DLGAP2: variants seen among roughly 807,000 people sequenced by gnomAD.
DLGAP2 encodes the protein disks large-associated protein 2.
DLGAP2 carries 26 observed loss-of-function variants against 100.3 expected under a neutral mutation model. The observed-to-expected ratio is 0.26, with a 90% CI of 0.19 to 0.36. The LOEUF is 0.36. Among genes scored for constraint, DLGAP2 ranks in the 10% least tolerant of loss-of-function variants. The pLI is 1.00. For synonymous variants in DLGAP2, 886 were observed against 630.1 expected (o/e 1.41, Z -6.08); for missense variants, 1,858 against 1,453.2 (o/e 1.28, Z -4.53).
At chr8:1,139,713 C>G (rs892083053) in intron 2 of DLGAP2, among the ~76,000 whole-genome samples, 1 of 152,154 alleles carries the variant, frequency 6.6e-6, no homozygotes, top group African/African-American at 2.4e-5. Flanking sequence ...ACCCGACAGG[C>G]CCCTGTTATT....
At chr8:826,898 G>GA (rs1252393408) in intron 1 of DLGAP2, among the ~76,000 whole-genome samples, 2 of 152,202 alleles carry the variant, frequency 1.3e-5, no homozygotes, top group African/African-American at 4.8e-5. Context: ...TCTTTCTCGT[G>GA]AATGTTTTTG....
rs184264986 is a variant in DLGAP2 at position 1,685,969 on chromosome 8, C to G, written c.2705-5566C>G. Among the ~76,000 whole-genome samples, 5 of 152,290 alleles carry G rather than the reference C, an allele frequency of 3.3e-5. No individual in the cohort carries two copies. The South Asian group carries it at 1.0e-3, about 32-fold the overall frequency. ...GCGGAGTAAGGGGAAAGCTTGCACA[C>G]TGCTGGTTGGAATATGAAGTAGCCA... On this transcript the variant is annotated intron_variant, in intron 12 of 14. Coordinates refer to ENST00000637795, the MANE Select transcript of DLGAP2 (RefSeq NM_001346810.2).
At chr8:818,683 A>T (rs936211054) in intron 1 of DLGAP2, among the ~76,000 whole-genome samples, 3 of 152,222 alleles carry the variant, frequency 2.0e-5, no homozygotes, top group Non-Finnish European at 1.5e-5. Context: ...TTAAAAGAAC[A>T]TGTGCAAACT....
intron 3 of DLGAP2, among the ~76,000 whole-genome samples, chr8:1,417,856 C>G (rs947272136): frequency 1.1e-4 from 17 of 152,280 alleles, no homozygotes; most frequent in Non-Finnish European, 1.6e-4. Context: ...TCTTTATTGG[C>G]GGGAATTCAG....
intron 4 of DLGAP2, among the ~76,000 whole-genome samples, chr8:1,508,196 T>C (rs1470983264): frequency 6.6e-6 from 1 of 151,636 alleles, no homozygotes; most frequent in East Asian, 2.0e-4. Context: ...TGGGGTGCAT[T>C]TACAGCTTTT....
intron 3 of DLGAP2, chr8:1,296,157 G>A (rs907119198): frequency 6.6e-6 from 1 of 152,126 alleles, no homozygotes. Context: ...ATGAAATGCG[G>A]CCCCCGGGTT....
intron 1 of DLGAP2, among the ~76,000 whole-genome samples, chr8:830,950 C>A (rs984522467): frequency 1.4e-5 from 2 of 147,120 alleles, no homozygotes; most frequent in African/African-American, 5.1e-5. Context: ...GGCTGGAGGG[C>A]AGTGGCACAA....
chr8:1,185,733 T>TCACACACA (rs77585255), intron 2 of DLGAP2, among the ~76,000 whole-genome samples: 1 of 139,234 alleles, frequency 7.2e-6, no homozygotes, highest in South Asian at 2.3e-4. Context: ...ACACTCACAC[T>TCACACACA]CACACACACA....
intron 3 of DLGAP2, among the ~76,000 whole-genome samples, chr8:1,433,804 G>A (rs1259217879): frequency 7.8e-6 from 1 of 127,664 alleles, no homozygotes; most frequent in South Asian, 2.6e-4. Flanking sequence ...GGTCATATTT[G>A]TAGGAATCCA....
chr8:1,322,966 C>A (rs576843006), intron 3 of DLGAP2, among the ~76,000 whole-genome samples: 1 of 152,078 alleles, frequency 6.6e-6, no homozygotes, highest in Non-Finnish European at 1.5e-5. Flanking sequence ...TTTTAAAATT[C>A]ACCTTTGTCC....
At chr8:979,668 T>C (rs999196456) in intron 2 of DLGAP2, among the ~76,000 whole-genome samples, 3 of 152,212 alleles carry the variant, frequency 2.0e-5, no homozygotes, top group African/African-American at 7.2e-5. Context: ...AGGGGTTGGA[T>C]TGGTGGAAAC....
At chr8:924,376 G>A (rs936379244) in intron 2 of DLGAP2, among the ~76,000 whole-genome samples, 7 of 152,086 alleles carry the variant, frequency 4.6e-5, no homozygotes, top group Admixed American at 2.0e-4. Context: ...AGATCCTCTC[G>A]GAGCCCTGGG....
At chr8:780,359 C>T (rs1322594294) in intron 1 of DLGAP2, among the ~76,000 whole-genome samples, 1 of 152,176 alleles carries the variant, frequency 6.6e-6, no homozygotes, top group Non-Finnish European at 1.5e-5. Flanking sequence ...TTCCACTGTG[C>T]ACACACCACG....
intron 6 of DLGAP2, among the ~76,000 whole-genome samples, chr8:1,625,474 T>G (rs998669497): frequency 4.6e-5 from 7 of 152,222 alleles, no homozygotes; most frequent in African/African-American, 1.7e-4. Context: ...TAAGGGAGTT[T>G]GGAAGAAAAC....
At chr8:1,416,352 C>A (rs1318303202) in intron 3 of DLGAP2, among the ~76,000 whole-genome samples, 3 of 152,200 alleles carry the variant, frequency 2.0e-5, no homozygotes, top group African/African-American at 7.2e-5. Context: ...GTATTTCAGA[C>A]GTGCCTGGTC....
intron 2 of DLGAP2, among the ~76,000 whole-genome samples, chr8:994,926 A>G (rs1800744215): frequency 6.6e-6 from 1 of 152,204 alleles, no homozygotes; most frequent in Non-Finnish European, 1.5e-5. Flanking sequence ...GGAAAATCGG[A>G]CAACGGTGGT....
intron 1 of DLGAP2, among the ~76,000 whole-genome samples, chr8:761,947 G>C (rs1042950394): frequency 6.6e-6 from 1 of 152,208 alleles, no homozygotes; most frequent in Non-Finnish European, 1.5e-5. Context: ...TCTGAAGCAG[G>C]AGATTTTCGC....
intron 2 of DLGAP2, among the ~76,000 whole-genome samples, chr8:1,069,352 C>T (rs773219309): frequency 5.9e-5 from 9 of 152,246 alleles, no homozygotes; most frequent in East Asian, 3.9e-4. Flanking sequence ...GGACAGGTCG[C>T]GAGGACACCA....
chr8:933,357 G>A (rs1282493601), intron 2 of DLGAP2, among the ~76,000 whole-genome samples: 1 of 151,724 alleles, frequency 6.6e-6, no homozygotes. Flanking sequence ...CATGAGGGGA[G>A]GGTGAGGGCA....
Sources: allele counts gnomAD v4.1 joint callset (sites outside exome capture counted in the v4.1 genomes callset), GRCh38; gene constraint gnomAD v4.1.1; transcripts MANE v1.5; gene names NCBI Gene and HGNC (gene_info 2026-07-23, HGNC 2026-07-21).